The following TDRKH variants were observed in gnomAD, a reference collection of about 807,000 sequenced individuals.
TDRKH encodes the protein tudor and KH domain containing, also known as tudor and KH domain-containing protein.
TDRKH carries 28 observed loss-of-function variants against 61.3 expected under a neutral mutation model. The ratio of observed to expected loss-of-function variants is 0.46; its 90% CI spans 0.34 to 0.63. The LOEUF (loss-of-function observed/expected upper bound fraction) is 0.63, where lower values mean the gene tolerates loss of function less well. Among genes scored for constraint, TDRKH ranks in the 20% least tolerant of loss-of-function variants. The pLI is 0.01. For synonymous variants in TDRKH, 219 were observed against 244.4 expected, an observed-to-expected ratio of 0.90 and a Z score of 0.97; for missense variants, 540 against 683.4, an observed-to-expected ratio of 0.79 and a Z score of 2.34.
rs1435856520 is a variant in TDRKH, at chr1:151,779,963, C to T, written c.409G>A (p.Gly137Ser). 2 of 1,612,190 alleles carry T rather than the reference C, an allele frequency of 1.2e-6. No homozygotes were observed. Among genetic ancestry groups the T allele is most frequent in the Non-Finnish European group, 8.5e-7 (1 of 1,178,604 alleles). The change falls in exon 4 of 13, where the codon GGC becomes AGC. Residue 137 changes from glycine (G) to serine (S), a missense_variant. Transcript: ENST00000368824. ...EQLSVPQRSV[G>S]RIIGRGGETI... ...CATCCAGTGGTACCTATGATTCTGC[C>T]CACAGATCTCTGGGGAACTGAAAGC...
At chr1:151,781,328 A>ATATATATATATATATATATATAT (rs1553282748) in intron 3 of TDRKH, among the ~76,000 whole-genome samples, 153 bp downstream of exon 3, 13 of 68,566 alleles carry the variant, frequency 1.9e-4, no homozygotes, top group African/African-American at 5.3e-4. Flanking sequence ...AAAAAAAAAA[A>ATATATATATATATATATATATAT]ATATATATAT....
downstream of TDRKH, chr1:151,770,113 G>A (rs1457816759): frequency 7.9e-6 from 10 of 1,260,116 alleles, no homozygotes; most frequent in Admixed American, 1.8e-5. Context: ...AGACGGAGAC[G>A]GAGAGGGAGA....
intron 3 of TDRKH, 120 bp downstream of exon 3, chr1:151,781,361 C>G: frequency 2.4e-6 from 1 of 416,574 alleles, no homozygotes; most frequent in Non-Finnish European, 4.6e-6. Context: ...TATACACACA[C>G]ACATACACAC....
At position 151,774,443 on chromosome 1, in the gene TDRKH, GC is replaced by G. The variant is rs1473680169; in HGVS notation, c.*8del. 1 of 1,613,968 alleles carries G rather than the reference GC, an allele frequency of 6.2e-7. No homozygotes were observed. The highest frequency in any genetic ancestry group is 2.2e-5 in the East Asian group (1 of 44,878). On this transcript the variant is annotated 3_prime_UTR_variant, in exon 13 of 13. Coordinates refer to ENST00000368824, the MANE Select transcript of TDRKH (RefSeq NM_001083965.2). Reference sequence around the variant, plus strand: ...AAAGCAGATGGCTGAGCAAACTGAAGCCCAGACTTCAGAGTAAGTAGTCATC... The same window carrying G: ...AAAGCAGATGGCTGAGCAAACTGAAGCCAGACTTCAGAGTAAGTAGTCATC...
chr1:151,778,764 T>G lies in TDRKH; in HGVS notation c.804A>C (p.Glu268Asp). The G allele has an allele frequency of 6.2e-7, 1 of 1,614,242 alleles. No homozygotes were observed. The highest frequency in any genetic ancestry group is 8.5e-7 in the Non-Finnish European group (1 of 1,180,052). Reference sequence around the variant, plus strand: ...CATCACTAGGTTTCTCCCAGGAACCTTCCTTTGACACTACCACAGCCATGT... The same window carrying G: ...CATCACTAGGTTTCTCCCAGGAACCGTCCTTTGACACTACCACAGCCATGT... ...GGDMAVVVSKEGSWEKPSDDS... is the reference protein window; with the variant it reads ...GGDMAVVVSKDGSWEKPSDDS... The change falls in exon 6 of 13, where the codon GAA becomes GAC. Residue 268 changes from glutamate to aspartate, a missense_variant. Physicochemically the swap from Glu to Asp is conservative, Grantham distance 45. Transcript: ENST00000368824.
At chr1:151,788,639 G>T (rs543840815) in intron 1 of TDRKH, among the ~76,000 whole-genome samples, 21 of 152,306 alleles carry the variant, frequency 1.4e-4, no homozygotes, top group African/African-American at 4.8e-4. Flanking sequence ...GGATAGAAAA[G>T]GATTGATCTA....
Position 151,783,028 on chromosome 1 carries a change from G to A in TDRKH, c.-6C>T. On this transcript the variant is annotated 5_prime_UTR_variant, in exon 2 of 13. Coordinates refer to ENST00000368824, the MANE Select transcript of TDRKH (RefSeq NM_001083965.2). ...GAAGTCCGTTCAGTAGACATTTTCT[G>A]CTGTACTCTTTGACTTATATCCTGA... The A allele has an allele frequency of 6.2e-7, 1 of 1,611,676 alleles. No homozygotes were observed. Among genetic ancestry groups the A allele is most frequent in the Non-Finnish European group, 8.5e-7 (1 of 1,179,142 alleles).
intron 1 of TDRKH, among the ~76,000 whole-genome samples, chr1:151,790,130 GCTCCCGCAC>G (rs1426484630): frequency 6.6e-6 from 1 of 152,130 alleles, no homozygotes; most frequent in Admixed American, 6.5e-5. Flanking sequence ...AAACACAAAC[GCTCCCGCAC>G]CGGGTCCGTT....
chr1:151,783,988 A>G (rs1650079050), intron 1 of TDRKH, among the ~76,000 whole-genome samples: 1 of 152,194 alleles, frequency 6.6e-6, no homozygotes, highest in African/African-American at 2.4e-5. Flanking sequence ...GTTCCTCATT[A>G]TATTTCCTTA....
intron 4 of TDRKH, 22 bp from the exon 5 acceptor site, chr1:151,779,264 A>G: frequency 6.2e-7 from 1 of 1,611,280 alleles, no homozygotes; most frequent in East Asian, 2.2e-5. Context: ...AATATATAAA[A>G]ACCTGCCCTT....
At chr1:151,784,677 G>A (rs1217034268) in intron 1 of TDRKH, among the ~76,000 whole-genome samples, 2 of 151,908 alleles carry the variant, frequency 1.3e-5, no homozygotes, top group Non-Finnish European at 2.9e-5. Flanking sequence ...CTAAACACTG[G>A]AGTGCCTCAG....
At chr1:151,780,931 A>G (rs1303790559) in intron 3 of TDRKH, among the ~76,000 whole-genome samples, 1 of 152,002 alleles carries the variant, frequency 6.6e-6, no homozygotes, top group Non-Finnish European at 1.5e-5. Context: ...AAGCTAAGTC[A>G]TCCTTTCTCT....
chr1:151,770,373 G>T (rs1316763005), downstream of TDRKH: 5 of 1,410,862 alleles, frequency 3.5e-6, no homozygotes, highest in Non-Finnish European at 4.7e-6. Flanking sequence ...GCATTTCAGG[G>T]ATTCTTTTCT....
Position 151,774,263 on chromosome 1 carries a change from T to C in TDRKH, c.*189A>G. On this transcript the variant is annotated 3_prime_UTR_variant, in exon 13 of 13. Transcript: ENST00000368824. The stretch of plus-strand genomic sequence containing the variant: ...CAGAAATACACAAAAAGCTTGAAAG[T>C]GCTCAATCTGAGAGCAAGTTAAGCT... The C allele has an allele frequency of 1.6e-6, 1 of 607,862 alleles. No individual in the cohort carries two copies. The highest frequency in any genetic ancestry group is 2.9e-6 in the Non-Finnish European group (1 of 349,504). The allele number at this position is 607,862 out of a possible 1,614,324, so 37.7% of individuals were successfully genotyped here. A position where few individuals can be genotyped will look rare whatever the true frequency, so the allele number is the denominator to read the frequency against.
rs1485580191 is a variant in TDRKH, at chr1:151,781,538, C to G, written c.174G>C (p.Arg58=). ...VGEDDIEIEM[R]VPQEAVKLII... is the part of the protein sequence containing the mutation. ...TGAGTTTCACAGCCTCCTGGGGAACCCGCATCTCTATCTCAATGTCATCTT... is the reference window on the plus strand; with the variant it reads ...TGAGTTTCACAGCCTCCTGGGGAACGCGCATCTCTATCTCAATGTCATCTT... The change falls in exon 3 of 13, where the codon CGG becomes CGC. Residue 58 remains arginine (R), a synonymous_variant. Coordinates refer to ENST00000368824, the MANE Select transcript of TDRKH (RefSeq NM_001083965.2). 3.1e-6 allele frequency: 5 copies of G among 1,613,398 alleles called. No individual in the cohort carries two copies. The highest frequency in any genetic ancestry group is 4.2e-6 in the Non-Finnish European group (5 of 1,179,826).
At chr1:151,780,849 C>CAA (rs71789262) in intron 3 of TDRKH, among the ~76,000 whole-genome samples, 974 of 86,116 alleles carry the variant, frequency 0.011, 16 homozygotes, top group African/African-American at 0.038. Context: ...GACTCTGTCT[C>CAA]AAAAAAAAAA....
chr1:151,787,596 T>C lies in TDRKH; in HGVS notation c.-28+2784A>G, dbSNP rs372044952. ...CATCTTGGTTAAATAGTGCTAGCTC[T>C]TTCTTGTGTGCTGAGCACGTTGGGG... On this transcript the variant is annotated intron_variant, in intron 1 of 12. Coordinates refer to ENST00000368824, the MANE Select transcript of TDRKH (RefSeq NM_001083965.2). Among the ~76,000 whole-genome samples, 31 of 152,178 alleles carry C rather than the reference T, an allele frequency of 2.0e-4. 1 individual carries two copies. The South Asian group carries it at 6.2e-3, about 31-fold the overall frequency.
downstream of TDRKH, among the ~76,000 whole-genome samples, chr1:151,768,408 T>TG (rs1648448463): frequency 6.6e-6 from 1 of 152,134 alleles, no homozygotes; most frequent in African/African-American, 2.4e-5. Context: ...TAAGAGTCCA[T>TG]GGGAAGCTGG....
chr1:151,771,716 G>A, downstream of TDRKH: 1 of 388,826 alleles, frequency 2.6e-6, no homozygotes, highest in East Asian at 3.7e-5. Context: ...CCAGGCAGCA[G>A]GAAAAGTACT....
Sources: allele counts gnomAD v4.1 joint callset (sites outside exome capture counted in the v4.1 genomes callset), GRCh38; gene constraint gnomAD v4.1.1; transcripts MANE v1.5; gene names NCBI Gene and HGNC (gene_info 2026-07-23, HGNC 2026-07-21).